The following PPFIBP1 variants were observed in gnomAD, a reference collection of about 807,000 sequenced individuals.
The protein encoded by PPFIBP1 is liprin-beta-1.
In PPFIBP1, 112 loss-of-function variants were observed where a neutral mutation model predicts 137.8. The observed-to-expected ratio is 0.81, with a 90% confidence interval of 0.70 to 0.95. The LOEUF is 0.95. Ranked by LOEUF, PPFIBP1 falls within the 40% of genes least tolerant of loss-of-function variation. The pLI, the probability that PPFIBP1 is intolerant of heterozygous loss-of-function variation, is 0.00. For synonymous variants in PPFIBP1, 378 were observed against 417.3 expected, an observed-to-expected ratio of 0.91 and a Z score of 1.15; for missense variants, 1,083 against 1,196.6, an observed-to-expected ratio of 0.91 and a Z score of 1.40.
intron 19 of PPFIBP1, among the ~76,000 whole-genome samples, chr12:27,678,960 A>T (rs1021712606): frequency 6.6e-6 from 1 of 151,874 alleles, no homozygotes; most frequent in Non-Finnish European, 1.5e-5. Flanking sequence ...CTGAATTGGG[A>T]ATATCACAGG....
At chr12:27,687,908 C>A (rs2061294826) in intron 25 of PPFIBP1, among the ~76,000 whole-genome samples, 1 of 152,056 alleles carries the variant, frequency 6.6e-6, no homozygotes, top group Non-Finnish European at 1.5e-5. Context: ...CATAGGAAGA[C>A]CCTGTCTCTA....
chr12:27,659,953 T>C (rs1242612941), intron 10 of PPFIBP1, among the ~76,000 whole-genome samples: 1 of 152,164 alleles, frequency 6.6e-6, no homozygotes, highest in Non-Finnish European at 1.5e-5. Context: ...TAAAAAAAAG[T>C]ATTATCTTCA....
intron 2 of PPFIBP1, among the ~76,000 whole-genome samples, chr12:27,599,708 A>G (rs76373525): frequency 0.018 from 2,703 of 152,322 alleles, 74 homozygotes; most frequent in African/African-American, 0.062. Flanking sequence ...CTGTGATGGG[A>G]TGCACTGAGG....
intron 8 of PPFIBP1, among the ~76,000 whole-genome samples, chr12:27,655,954 A>G (rs940964545): frequency 7.9e-5 from 12 of 152,260 alleles, no homozygotes; most frequent in Admixed American, 7.2e-4. Flanking sequence ...AAATTTAAAC[A>G]TGAGTACATA....
chr12:27,572,744 T>G (rs1392521257), intron 1 of PPFIBP1, among the ~76,000 whole-genome samples: 1 of 152,216 alleles, frequency 6.6e-6, no homozygotes, highest in Non-Finnish European at 1.5e-5. Flanking sequence ...CTTAGTACTG[T>G]GGGAACACAG....
Position 27,585,907 on chromosome 12 carries a change from C to T in PPFIBP1, c.-36+7668C>T, listed in dbSNP as rs560248148. Among the ~76,000 whole-genome samples the T allele has an allele frequency of 5.5e-4, 83 of 152,144 alleles. No individual in the cohort carries two copies. The South Asian group carries it at 0.017, about 30-fold the overall frequency. On this transcript the variant is annotated intron_variant, in intron 2 of 29. Transcript: ENST00000228425. ...CATAAAGGTTCTGGAGTGTGAGGGG[C>T]AGTGGGGGAGTATTGTGAAATAAGA...
chr12:27,650,167 CT>C, intron 7 of PPFIBP1, 26 bp downstream of exon 7: 3 of 1,452,958 alleles, frequency 2.1e-6, no homozygotes, highest in Admixed American at 1.9e-5. Flanking sequence ...TCTCCTCCCT[CT>C]CTCTCTCTCT....
intron 1 of PPFIBP1, among the ~76,000 whole-genome samples, chr12:27,577,805 C>G (rs2050699276): frequency 6.6e-6 from 1 of 152,080 alleles, no homozygotes; most frequent in African/African-American, 2.4e-5. Context: ...CATTCATTTA[C>G]TCAACAAACA....
At chr12:27,605,999 G>A (rs2054488557) in intron 2 of PPFIBP1, among the ~76,000 whole-genome samples, 1 of 152,132 alleles carries the variant, frequency 6.6e-6, no homozygotes, top group Admixed American at 6.5e-5. Flanking sequence ...GGGTGTGGGT[G>A]TATGTGTGTT....
chr12:27,578,636 T>C (rs1285360803), intron 2 of PPFIBP1, among the ~76,000 whole-genome samples: 2 of 152,172 alleles, frequency 1.3e-5, no homozygotes. Context: ...AATGACCCAG[T>C]AGGCTTAGAA....
chr12:27,592,937 C>T (rs1309418717), intron 2 of PPFIBP1, among the ~76,000 whole-genome samples: 4 of 151,682 alleles, frequency 2.6e-5, no homozygotes, highest in Non-Finnish European at 1.5e-5. Context: ...GTCAGGAGGT[C>T]GAGACAAGCC....
chr12:27,667,347 T>C, intron 13 of PPFIBP1, 27 bp downstream of exon 13: 1 of 1,548,790 alleles, frequency 6.5e-7, no homozygotes, highest in Non-Finnish European at 8.7e-7. Context: ...AGTATTTCCT[T>C]TATGTTGAAG....
At chr12:27,598,448 C>T (rs1200213153) in intron 2 of PPFIBP1, among the ~76,000 whole-genome samples, 3 of 152,120 alleles carry the variant, frequency 2.0e-5, no homozygotes, top group Non-Finnish European at 4.4e-5. Flanking sequence ...CCGACTGGGT[C>T]CCTCCCACAA....
intron 4 of PPFIBP1, chr12:27,635,902 A>G (rs993744125): frequency 1.3e-5 from 2 of 152,206 alleles, no homozygotes; most frequent in African/African-American, 2.4e-5. Flanking sequence ...ATGTCACAAA[A>G]ACAGATTCAG....
intron 2 of PPFIBP1, among the ~76,000 whole-genome samples, chr12:27,604,701 A>G (rs146880922): frequency 1.3e-3 from 196 of 152,334 alleles, no homozygotes; most frequent in Non-Finnish European, 2.2e-3. Flanking sequence ...TCTCCATTCA[A>G]TTAGGAACCA....
intron 2 of PPFIBP1, among the ~76,000 whole-genome samples, chr12:27,604,652 G>A (rs1311836466): frequency 1.3e-5 from 2 of 152,232 alleles, no homozygotes; most frequent in South Asian, 2.1e-4. Flanking sequence ...ATCTCCCAGA[G>A]CATCTGTGAA....
chr12:27,526,257 G>A (rs978641271), intron 1 of PPFIBP1, among the ~76,000 whole-genome samples: 1 of 152,192 alleles, frequency 6.6e-6, no homozygotes, highest in African/African-American at 2.4e-5. Context: ...TTATCCTTAT[G>A]TGCCAAATTC....
In PPFIBP1 at chr12:27,577,971, GGAA is replaced by G. The variant is rs144711000; in HGVS notation, c.-123-176_-123-174del. 7.1e-4 allele frequency among the ~76,000 whole-genome samples: 108 copies of G among 152,222 alleles called. 1 individual carries two copies. In the East Asian group the frequency reaches 0.016, roughly 23 times the overall value. ...GGGTGGAGTGCTGGACGGGGAAGAA[GGAA>G]GAAGGAGGATAGGAGAGAAAGGATG... On this transcript the variant is annotated intron_variant, in intron 1 of 29. Coordinates refer to ENST00000228425, the MANE Select transcript of PPFIBP1 (RefSeq NM_003622.4).
intron 19 of PPFIBP1, 44 bp downstream of exon 19, chr12:27,677,140 A>T (rs745737705): frequency 7.5e-6 from 12 of 1,609,508 alleles, no homozygotes; most frequent in Non-Finnish European, 5.9e-6. Context: ...ACTGTGCTCC[A>T]AACCAATCTA....
Sources: allele counts gnomAD v4.1 joint callset (sites outside exome capture counted in the v4.1 genomes callset), GRCh38; gene constraint gnomAD v4.1.1; transcripts MANE v1.5; gene names NCBI Gene and HGNC (gene_info 2026-07-23, HGNC 2026-07-21).